ARHGAP44: variants seen among roughly 807,000 people sequenced by gnomAD.
The protein encoded by ARHGAP44 is rho GTPase-activating protein 44.
Under a neutral mutation model 106.8 loss-of-function variants are expected in ARHGAP44, and 43 were observed. That is an observed-to-expected ratio of 0.40 (90% CI 0.32 to 0.52). The LOEUF is 0.52. Ranked by LOEUF, ARHGAP44 falls within the 20% of genes least tolerant of loss-of-function variation. The probability of loss-of-function intolerance (pLI) is 0.48; values close to 1 mark genes in which losing one functional copy is unlikely to be tolerated. For synonymous variants in ARHGAP44, 439 were observed against 410.3 expected, an observed-to-expected ratio of 1.07 and a Z score of -0.85; for missense variants, 866 against 1,050.5, an observed-to-expected ratio of 0.82 and a Z score of 2.43.
chr17:12,948,740 A>G (rs2038919244), intron 10 of ARHGAP44, among the ~76,000 whole-genome samples: 1 of 151,572 alleles, frequency 6.6e-6, no homozygotes, highest in Non-Finnish European at 1.5e-5. Flanking sequence ...ACACACACAC[A>G]CACACACACA....
chr17:12,843,691 T>C (rs2035484958), intron 1 of ARHGAP44, among the ~76,000 whole-genome samples: 1 of 146,322 alleles, frequency 6.8e-6, no homozygotes, highest in African/African-American at 2.6e-5. Flanking sequence ...GAGTTTCGTC[T>C]GTCACCCAGG....
chr17:12,960,072 C>T (rs10445248), intron 16 of ARHGAP44, among the ~76,000 whole-genome samples: 26,180 of 152,082 alleles, frequency 0.17, 2,263 homozygotes, highest in Middle Eastern at 0.2. Context: ...CCTGGGATGA[C>T]GGTCAAGCTT....
Position 12,949,003 on chromosome 17 carries a change from A to G in ARHGAP44, c.862-137A>G. 1 of 836,578 alleles carries G rather than the reference A, an allele frequency of 1.2e-6. No homozygotes were observed. The allele number at this position is 836,578 out of a possible 1,614,324, so 51.8% of individuals were successfully genotyped here. ...GAGGGAGACATTGAGAAAGCAGGCAACTGGGGGATTGGGAGATGGTGTTGG... is the reference window on the plus strand; with the variant it reads ...GAGGGAGACATTGAGAAAGCAGGCAGCTGGGGGATTGGGAGATGGTGTTGG... On this transcript the variant is annotated intron_variant, in intron 10 of 20. Coordinates refer to ENST00000379672, the MANE Select transcript of ARHGAP44 (RefSeq NM_014859.6). This position sits in a 1 kb window ranked among gnomAD's most constrained non-coding sequence, Gnocchi z 4.1.
chr17:12,930,642 C>T (rs2038372623), intron 7 of ARHGAP44, among the ~76,000 whole-genome samples: 1 of 152,072 alleles, frequency 6.6e-6, no homozygotes. Flanking sequence ...TGGTGGTAAG[C>T]AAGGATGCTG....
chr17:12,844,312 C>T (rs1379188072), intron 1 of ARHGAP44, among the ~76,000 whole-genome samples: 1 of 152,140 alleles, frequency 6.6e-6, no homozygotes, highest in East Asian at 1.9e-4. Context: ...AGCCTTCTTG[C>T]TGCATCATAA....
intron 1 of ARHGAP44, among the ~76,000 whole-genome samples, chr17:12,796,561 C>G (rs1417969028): frequency 2.0e-5 from 3 of 152,084 alleles, no homozygotes; most frequent in Non-Finnish European, 4.4e-5. Flanking sequence ...CCATACCTGA[C>G]CCCACCTCTT....
intron 4 of ARHGAP44, among the ~76,000 whole-genome samples, chr17:12,915,612 A>G (rs753996422): frequency 1.2e-4 from 18 of 152,268 alleles, no homozygotes; most frequent in Non-Finnish European, 2.5e-4. Flanking sequence ...CTCCTCAGAG[A>G]TAGAAGCATG....
chr17:12,966,765 C>A (rs1258251452), intron 16 of ARHGAP44, among the ~76,000 whole-genome samples: 1 of 152,164 alleles, frequency 6.6e-6, no homozygotes, highest in African/African-American at 2.4e-5. Flanking sequence ...GAACAAAAAC[C>A]AAAACCTTCC....
At chr17:12,847,852 A>G (rs2035618405) in intron 1 of ARHGAP44, among the ~76,000 whole-genome samples, 1 of 152,140 alleles carries the variant, frequency 6.6e-6, no homozygotes, top group African/African-American at 2.4e-5. Flanking sequence ...TATTTTTCAA[A>G]AAGTAAATTA....
At chr17:12,802,648 T>C (rs1316721891) in intron 1 of ARHGAP44, among the ~76,000 whole-genome samples, 2 of 151,972 alleles carry the variant, frequency 1.3e-5, no homozygotes, top group African/African-American at 4.8e-5. Context: ...GACCAGGCTC[T>C]TTAATCAGTG....
At chr17:12,874,528 T>C (rs2036496266) in intron 1 of ARHGAP44, among the ~76,000 whole-genome samples, 1 of 151,984 alleles carries the variant, frequency 6.6e-6, no homozygotes, top group Non-Finnish European at 1.5e-5. Context: ...GTCAGGAGTT[T>C]GAGACTAGTC....
At chr17:12,812,304 G>C (rs551669292) in intron 1 of ARHGAP44, among the ~76,000 whole-genome samples, 1 of 152,292 alleles carries the variant, frequency 6.6e-6, no homozygotes, top group African/African-American at 2.4e-5. Context: ...TAATCAGCCA[G>C]AATTCAAGGA....
intron 3 of ARHGAP44, among the ~76,000 whole-genome samples, chr17:12,903,083 TG>T (rs2037421959): frequency 2.9e-5 from 2 of 70,116 alleles, no homozygotes; most frequent in Non-Finnish European, 5.4e-5. Context: ...AGGGAATATA[TG>T]AGAGAGAGAG....
intron 1 of ARHGAP44, among the ~76,000 whole-genome samples, chr17:12,800,420 A>G (rs565191447): frequency 7.6e-4 from 116 of 152,326 alleles, no homozygotes; most frequent in Admixed American, 3.3e-4. Flanking sequence ...TCAGCTGCTT[A>G]TAGCACTGGC....
chr17:12,841,757 A>G (rs1287078306), intron 1 of ARHGAP44, among the ~76,000 whole-genome samples: 1 of 151,970 alleles, frequency 6.6e-6, no homozygotes, highest in African/African-American at 2.4e-5. Context: ...CTGAGCTACA[A>G]TTTCTTCATT....
intron 1 of ARHGAP44, among the ~76,000 whole-genome samples, chr17:12,835,991 A>T (rs920424586): frequency 6.6e-6 from 1 of 152,210 alleles, no homozygotes; most frequent in African/African-American, 2.4e-5. Flanking sequence ...TTCTTTGTAA[A>T]GGCGGAATAG....
chr17:12,881,912 A>T (rs2036749550), intron 1 of ARHGAP44, among the ~76,000 whole-genome samples: 1 of 152,020 alleles, frequency 6.6e-6, no homozygotes, highest in South Asian at 2.1e-4. Flanking sequence ...GCTGGTCAAG[A>T]CCAGTCTTGG....
chr17:12,905,927 A>G (rs2037532671), intron 3 of ARHGAP44, among the ~76,000 whole-genome samples: 1 of 152,192 alleles, frequency 6.6e-6, no homozygotes, highest in Non-Finnish European at 1.5e-5. Context: ...TTGCAGATCA[A>G]ACCAGGTTTC....
chr17:12,986,831 A>C (rs890758274), intron 20 of ARHGAP44: 3 of 387,554 alleles, frequency 7.7e-6, no homozygotes, highest in Non-Finnish European at 1.4e-5. Flanking sequence ...GGAGTGGCTC[A>C]TGTTCCATCT....
Sources: gnomAD v4.1 joint callset for allele counts (sites outside exome capture counted in the v4.1 genomes callset) on GRCh38, gnomAD v4.1.1 for gene constraint, Gnocchi (gnomAD v3.1) non-coding constraint, MANE v1.5 for transcripts, NCBI Gene and HGNC (gene_info 2026-07-23, HGNC 2026-07-21) for gene names.